GATAD2A: variants seen among roughly 807,000 people sequenced by gnomAD.
GATAD2A encodes the protein GATA zinc finger domain containing 2A, also known as transcriptional repressor p66-alpha.
In GATAD2A, 12 loss-of-function variants were observed where a neutral mutation model predicts 68.5. The ratio of observed to expected loss-of-function variants is 0.18; its 90% CI spans 0.11 to 0.28. The LOEUF is 0.28. Among genes scored for constraint, GATAD2A ranks in the 10% least tolerant of loss-of-function variants. The probability of loss-of-function intolerance (pLI) is 1.00; values close to 1 mark genes in which losing one functional copy is unlikely to be tolerated. For missense variants in GATAD2A, 755 were observed against 868.5 expected, an observed-to-expected ratio of 0.87 and a Z score of 1.64; for synonymous variants, 410 against 375.3, an observed-to-expected ratio of 1.09 and a Z score of -1.07.
At chr19:19,404,069 C>G (rs1219257243), upstream of GATAD2A, among the ~76,000 whole-genome samples, 1 of 151,868 alleles carries the variant, frequency 6.6e-6, no homozygotes, top group East Asian at 1.9e-4. Flanking sequence ...CTCTTTTGGC[C>G]TAGGGGAGGT....
intron 2 of GATAD2A, among the ~76,000 whole-genome samples, chr19:19,483,482 G>A (rs1434090892): frequency 3.3e-5 from 5 of 152,186 alleles, no homozygotes; most frequent in African/African-American, 9.7e-5. Flanking sequence ...TTACATGGCG[G>A]GAGAAGTGTG....
chr19:19,429,151 C>A, intron 1 of GATAD2A: 1 of 982,174 alleles, frequency 1.0e-6, no homozygotes, highest in South Asian at 4.7e-5. Context: ...TGCGCAAGCG[C>A]CTTGTGTCCA....
rs142824867 is a variant in GATAD2A at position 19,505,565 on chromosome 19, G to C, written c.*91G>C. 3.3e-6 allele frequency: 4 copies of C among 1,195,182 alleles called. No homozygotes were observed. Among genetic ancestry groups the C allele is most frequent in the Non-Finnish European group, 4.6e-6 (4 of 871,464 alleles). The allele number at this position is 1,195,182 out of a possible 1,614,324, so 74.0% of individuals were successfully genotyped here. ...CCACTGCACCACCCTCCGCTGGCTC[G>C]GGAAGACACCGTGCCCGCCCCAAGA... is the stretch of plus-strand genomic sequence containing the variant. On this transcript the variant is annotated 3_prime_UTR_variant, in exon 12 of 12. Coordinates refer to ENST00000683918, the MANE Select transcript of GATAD2A (RefSeq NM_001384528.1).
At chr19:19,401,043 G>A (rs1371760338), upstream of GATAD2A, among the ~76,000 whole-genome samples, 5 of 151,196 alleles carry the variant, frequency 3.3e-5, no homozygotes, top group East Asian at 2.0e-4. Context: ...CAGAGGCTGC[G>A]GCACAAGAAT....
chr19:19,421,386 G>C (rs1379971669), intron 1 of GATAD2A, among the ~76,000 whole-genome samples: 1 of 152,162 alleles, frequency 6.6e-6, no homozygotes, highest in East Asian at 1.9e-4. Context: ...GGCCTGTACT[G>C]TCCCTTCGCC....
chr19:19,420,498 ATT>A (rs34881322), intron 1 of GATAD2A, among the ~76,000 whole-genome samples: 1 of 126,268 alleles, frequency 7.9e-6, no homozygotes, highest in Non-Finnish European at 1.7e-5. Context: ...CGCCTGGCCA[ATT>A]TTTTTTTTTT....
intron 11 of GATAD2A, 52 bp downstream of exon 11, chr19:19,502,578 CCCTT>C: frequency 4.3e-6 from 6 of 1,399,660 alleles, no homozygotes; most frequent in South Asian, 1.3e-5. Flanking sequence ...GTGGGGTTCA[CCCTT>C]CCTTAACCGA....
intron 7 of GATAD2A, among the ~76,000 whole-genome samples, chr19:19,497,527 A>G (rs956097247): frequency 6.6e-6 from 1 of 152,104 alleles, no homozygotes; most frequent in Non-Finnish European, 1.5e-5. Flanking sequence ...GAGGAGGGGA[A>G]CTGGCTGGTC....
chr19:19,411,594 AC>A (rs2050928412), intron 1 of GATAD2A, among the ~76,000 whole-genome samples: 1 of 152,154 alleles, frequency 6.6e-6, no homozygotes, highest in Non-Finnish European at 1.5e-5. Flanking sequence ...TTGGAGTTGG[AC>A]AGATCTGGCT....
intron 1 of GATAD2A, among the ~76,000 whole-genome samples, chr19:19,417,440 T>G (rs2147207765): frequency 6.6e-6 from 1 of 152,246 alleles, no homozygotes; most frequent in East Asian, 1.9e-4. Flanking sequence ...TTTTCTTGGC[T>G]CTCTCAGTCT....
rs756713106 is a variant in GATAD2A at position 19,502,363 on chromosome 19, G to T, written c.1611G>T (p.Thr537=). The T allele has an allele frequency of 1.9e-6, 3 of 1,612,980 alleles. No homozygotes were observed. The highest frequency in any genetic ancestry group is 2.5e-6 in the Non-Finnish European group (3 of 1,179,632). ...ASSQLSRGSA[T]TPRGVLHTFS... Reference sequence around the variant, plus strand: ...GCCAGCTGTCCCGGGGTTCGGCCACGACGCCCCGAGGTGTCCTGCACACGT... The same window carrying T: ...GCCAGCTGTCCCGGGGTTCGGCCACTACGCCCCGAGGTGTCCTGCACACGT... The change falls in exon 11 of 12, where the codon ACG becomes ACT. Residue 537 remains threonine (T), a synonymous_variant. Coordinates refer to ENST00000683918, the MANE Select transcript of GATAD2A (RefSeq NM_001384528.1).
chr19:19,418,454 G>A (rs1285657276), intron 1 of GATAD2A, among the ~76,000 whole-genome samples: 1 of 152,222 alleles, frequency 6.6e-6, no homozygotes, highest in Non-Finnish European at 1.5e-5. Context: ...GAATGAAATA[G>A]CAGCAGATGG....
rs541176609 is a variant in GATAD2A, at chr19:19,493,696, T to C, written c.535-598T>C. On this transcript the variant is annotated intron_variant, in intron 4 of 11. Transcript: ENST00000683918. ...GGACAGGACTCTCTCTGCTCTGGCT[T>C]GGGGTTTGTTTTTTGAAACCCTGCC... 6.5e-3 allele frequency among the ~76,000 whole-genome samples: 991 copies of C among 152,264 alleles called. 13 individuals are homozygous for C. Among genetic ancestry groups the C allele is most frequent in the Non-Finnish European group, 6.5e-3 (442 of 68,022 alleles).
At position 19,444,257 on chromosome 19, in the gene GATAD2A, C is replaced by T. The variant is rs185059539; in HGVS notation, c.-6-21083C>T. Among the ~76,000 whole-genome samples, 4 of 151,990 alleles carry T rather than the reference C, an allele frequency of 2.6e-5. No homozygotes were observed. In the East Asian group the frequency reaches 5.8e-4, roughly 22 times the overall value. Reference sequence around the variant, plus strand: ...CATCCACAGCAGTCGTAGCCCATCACGAGTGGATAAAGTAGGTGGTTAGCT... The same window carrying T: ...CATCCACAGCAGTCGTAGCCCATCATGAGTGGATAAAGTAGGTGGTTAGCT... On this transcript the variant is annotated intron_variant, in intron 1 of 11. Coordinates refer to ENST00000683918, the MANE Select transcript of GATAD2A (RefSeq NM_001384528.1).
chr19:19,494,853 AGTGTCAC>A (rs1244071307), intron 5 of GATAD2A, among the ~76,000 whole-genome samples: 2 of 152,192 alleles, frequency 1.3e-5, no homozygotes, highest in East Asian at 3.8e-4. Flanking sequence ...TGGGCCGGCC[AGTGTCAC>A]GTGAGAATGA....
intron 1 of GATAD2A, among the ~76,000 whole-genome samples, chr19:19,423,652 C>T (rs1443328338): frequency 6.6e-6 from 1 of 152,220 alleles, no homozygotes; most frequent in East Asian, 1.9e-4. Context: ...AGCTGATGGT[C>T]AGAGAAATTG....
chr19:19,501,872 C>A, intron 9 of GATAD2A, 97 bp from the exon 10 acceptor site: 2 of 865,490 alleles, frequency 2.3e-6, no homozygotes, highest in Middle Eastern at 4.5e-4. Flanking sequence ...CGCCTAAAGT[C>A]CCCAGGGGAC....
chr19:19,422,832 C>T (rs1321506202), intron 1 of GATAD2A, among the ~76,000 whole-genome samples: 4 of 152,018 alleles, frequency 2.6e-5, no homozygotes, highest in Non-Finnish European at 5.9e-5. Context: ...CTGCCTCAGC[C>T]TCCCAAGTAG....
Position 19,505,768 on chromosome 19 carries a change from G to A in GATAD2A, c.*294G>A, listed in dbSNP as rs1302393450. ...GTTTGCCCGACACCAGCAGAAAAGT[G>A]GACCTTGGGGGCTGGTTCTGCTCCT... On this transcript the variant is annotated 3_prime_UTR_variant, in exon 12 of 12. Transcript: ENST00000683918. The A allele has an allele frequency of 6.4e-6, 3 of 465,752 alleles. No individual in the cohort carries two copies. Among genetic ancestry groups the A allele is most frequent in the Admixed American group, 4.3e-5 (1 of 23,374 alleles). The allele number at this position is 465,752 out of a possible 1,614,324, so 28.9% of individuals were successfully genotyped here.
Sources: gnomAD v4.1 joint callset for allele counts (sites outside exome capture counted in the v4.1 genomes callset) on GRCh38, gnomAD v4.1.1 for gene constraint, MANE v1.5 for transcripts, NCBI Gene and HGNC (gene_info 2026-07-23, HGNC 2026-07-21) for gene names.